The following EXPH5 variants were observed in gnomAD, a reference collection of about 807,000 sequenced individuals.
The protein encoded by EXPH5 is exophilin 5.
Under a neutral mutation model 41.1 loss-of-function variants are expected in EXPH5, and 42 were observed. The ratio of observed to expected loss-of-function variants is 1.02; its 90% CI spans 0.80 to 1.32. EXPH5 has a LOEUF of 1.32. EXPH5 is among the 40% of genes most tolerant of loss of function. The pLI, the probability that EXPH5 is intolerant of heterozygous loss-of-function variation, is 0.00. For missense variants in EXPH5, 2,298 were observed against 2,314.5 expected (o/e 0.99, Z 0.15); for synonymous variants, 798 against 833.5 (o/e 0.96, Z 0.73).
Position 108,511,858 on chromosome 11 carries a change from A to C in EXPH5, c.3649T>G (p.Leu1217Val). 1 of 1,589,132 alleles carries C rather than the reference A, an allele frequency of 6.3e-7. No homozygotes were observed. The highest frequency in any genetic ancestry group is 8.5e-7 in the Non-Finnish European group (1 of 1,172,472). ...NEDPLPFCSD[L>V]SGKERGKTLH... ...GTTTTCCCACGTTCTTTTCCTGACAAGTCTGAGCAAAAAGGTAAAGGGTCT... is the reference window on the plus strand; with the variant it reads ...GTTTTCCCACGTTCTTTTCCTGACACGTCTGAGCAAAAAGGTAAAGGGTCT... Residue 1217 changes from leucine (L) to valine (V), a missense_variant, in exon 6 of 6, where the codon TTG (leucine) becomes GTG (valine). Transcript: ENST00000265843.
chr11:108,581,538 A>G (rs535976975), intron 1 of EXPH5, among the ~76,000 whole-genome samples: 6 of 152,170 alleles, frequency 3.9e-5, no homozygotes, highest in African/African-American at 1.4e-4. Flanking sequence ...AAAAACCAAA[A>G]AACGCTTATA....
the EXPH5 span, among the ~76,000 whole-genome samples, chr11:108,604,009 C>A: frequency 2.0e-5 from 3 of 152,130 alleles, no homozygotes; most frequent in South Asian, 6.2e-4. Flanking sequence ...AGAAATGGAC[C>A]TAGTGGTCAG....
At chr11:108,601,553 A>G in the EXPH5 span, among the ~76,000 whole-genome samples, 1 of 152,192 alleles carries the variant, frequency 6.6e-6, no homozygotes, top group African/African-American at 2.4e-5. Context: ...GAATCCAATC[A>G]ATATTTTTCC....
intron 1 of EXPH5, among the ~76,000 whole-genome samples, chr11:108,587,628 A>G (rs2094117111): frequency 6.6e-6 from 1 of 152,248 alleles, no homozygotes; most frequent in Non-Finnish European, 1.5e-5. Flanking sequence ...ATTTACCCTT[A>G]CAAGTTATTT....
intron 1 of EXPH5, among the ~76,000 whole-genome samples, chr11:108,561,223 G>A (rs1473937685): frequency 6.6e-6 from 1 of 152,152 alleles, no homozygotes; most frequent in Non-Finnish European, 1.5e-5. Flanking sequence ...TTTGGTATAT[G>A]TTTATGGTTG....
chr11:108,555,498 A>G (rs2093985724), intron 1 of EXPH5, among the ~76,000 whole-genome samples: 1 of 152,190 alleles, frequency 6.6e-6, no homozygotes, highest in East Asian at 1.9e-4. Flanking sequence ...GCAGTCTAGC[A>G]AGTATCTCCA....
intron 1 of EXPH5, among the ~76,000 whole-genome samples, chr11:108,582,033 T>C (rs897807376): frequency 2.6e-5 from 4 of 152,220 alleles, no homozygotes; most frequent in Non-Finnish European, 5.9e-5. Flanking sequence ...CCATTCCAGA[T>C]GGTTTCATTG....
rs984725105 is a variant in EXPH5 at position 108,507,241 on chromosome 11, T to A, written c.*2296A>T. ...TTACCGCATGTTCATTAGCTTTGAGTTGCATGGGAACCATGTAAAGTAACC... is the reference window on the plus strand; with the variant it reads ...TTACCGCATGTTCATTAGCTTTGAGATGCATGGGAACCATGTAAAGTAACC... On this transcript the variant is annotated 3_prime_UTR_variant, in exon 6 of 6. Transcript: ENST00000265843. 6.6e-6 allele frequency: 1 copy of A among 152,188 alleles called. No individual in the cohort carries two copies. Among genetic ancestry groups the A allele is most frequent in the African/African-American group, 2.4e-5 (1 of 41,450 alleles). The allele number at this position is 152,188 out of a possible 1,614,324, so 9.4% of individuals were successfully genotyped here. A position where few individuals can be genotyped will look rare whatever the true frequency, so the allele number is the denominator to read the frequency against.
chr11:108,538,306 T>C (rs530254886), intron 3 of EXPH5: 1 of 954,710 alleles, frequency 1.0e-6, no homozygotes, highest in South Asian at 4.8e-5. Context: ...CAGGAAGACA[T>C]GCCGAAAATA....
At position 108,593,471 on chromosome 11, in the gene EXPH5, A is replaced by C; in HGVS notation, c.66T>G (p.Leu22=). ...FLNDEEARKI[L]QVLERNEELQ... ...ACTCCTCATTCCTTTCCAGCACCTGAAGGATCTTCCTGGCCTCTTCGTCAT... is the reference window on the plus strand; with the variant it reads ...ACTCCTCATTCCTTTCCAGCACCTGCAGGATCTTCCTGGCCTCTTCGTCAT... Residue 22 remains leucine, a synonymous_variant, in exon 1 of 6, where the codon CTT becomes CTG. Transcript: ENST00000265843. 2 of 1,614,150 alleles carry C rather than the reference A, an allele frequency of 1.2e-6. No homozygotes were observed. Among genetic ancestry groups the C allele is most frequent in the East Asian group, 4.5e-5 (2 of 44,868 alleles).
intron 1 of EXPH5, among the ~76,000 whole-genome samples, chr11:108,566,999 T>A (rs2094037537): frequency 6.6e-6 from 1 of 152,218 alleles, no homozygotes; most frequent in Non-Finnish European, 1.5e-5. Flanking sequence ...TAACTTCTAT[T>A]TTTATCAGAA....
chr11:108,546,956 C>T (rs1362914688), intron 1 of EXPH5, among the ~76,000 whole-genome samples: 2 of 151,858 alleles, frequency 1.3e-5, no homozygotes, highest in African/African-American at 2.4e-5. Flanking sequence ...GCACGTGCCA[C>T]CACGCCCAGC....
intron 1 of EXPH5, among the ~76,000 whole-genome samples, chr11:108,580,122 G>A (rs887214417): frequency 6.6e-6 from 1 of 152,172 alleles, no homozygotes; most frequent in African/African-American, 2.4e-5. Context: ...ATAACCTGCA[G>A]AGTGGGAGAA....
chr11:108,567,693 A>T (rs1424107562), intron 1 of EXPH5, among the ~76,000 whole-genome samples: 2 of 152,200 alleles, frequency 1.3e-5, no homozygotes, highest in Admixed American at 6.5e-5. Context: ...AAACATCCCA[A>T]ATCTTGATCC....
At chr11:108,515,175 T>C (rs2093716337) in intron 5 of EXPH5, among the ~76,000 whole-genome samples, 5 of 152,156 alleles carry the variant, frequency 3.3e-5, no homozygotes, top group Admixed American at 3.3e-4. Flanking sequence ...TGTTTTTTTT[T>C]AGTGCATCTA....
intron 4 of EXPH5, 97 bp from the exon 5 acceptor site, chr11:108,518,470 A>T: frequency 1.8e-6 from 2 of 1,102,348 alleles, no homozygotes; most frequent in Non-Finnish European, 2.6e-6. Flanking sequence ...TAAAAGTATT[A>T]GTCTAAGGAC....
At chr11:108,588,759 T>C (rs1040992373) in intron 1 of EXPH5, among the ~76,000 whole-genome samples, 1 of 152,224 alleles carries the variant, frequency 6.6e-6, no homozygotes, top group African/African-American at 2.4e-5. Flanking sequence ...AAAGACTTTA[T>C]AAGCTAAAAG....
chr11:108,541,292 A>G (rs1352203436), intron 2 of EXPH5, among the ~76,000 whole-genome samples: 4 of 152,198 alleles, frequency 2.6e-5, no homozygotes, highest in African/African-American at 9.7e-5. Context: ...TCATTTAAAG[A>G]TGAAGCAACT....
intron 1 of EXPH5, 62 bp from the exon 2 acceptor site, chr11:108,541,874 T>C (rs1278588735): frequency 7.4e-7 from 1 of 1,345,272 alleles, no homozygotes; most frequent in Non-Finnish European, 1.0e-6. Context: ...AGCTCATCCT[T>C]AAATCAATGT....
Sources: gnomAD v4.1 joint callset for allele counts (sites outside exome capture counted in the v4.1 genomes callset) on GRCh38, gnomAD v4.1.1 for gene constraint, MANE v1.5 for transcripts, NCBI Gene and HGNC (gene_info 2026-07-23, HGNC 2026-07-21) for gene names.